EGFLAM: variants seen among roughly 807,000 people sequenced by gnomAD.
The protein encoded by EGFLAM is pikachurin.
In EGFLAM, 79 loss-of-function variants were observed where a neutral mutation model predicts 113.1. That is an observed-to-expected ratio of 0.70 (90% CI 0.58 to 0.84). The LOEUF (loss-of-function observed/expected upper bound fraction) is 0.84, where lower values mean the gene tolerates loss of function less well. Ranked by LOEUF, EGFLAM falls within the 40% of genes least tolerant of loss-of-function variation. The pLI is 0.00. For missense variants in EGFLAM, 1,265 were observed against 1,291.6 expected (o/e 0.98, Z 0.32); for synonymous variants, 504 against 487.6 (o/e 1.03, Z -0.44).
intron 1 of EGFLAM, among the ~76,000 whole-genome samples, chr5:38,297,465 C>T (rs1347073553): frequency 6.6e-6 from 1 of 152,146 alleles, no homozygotes; most frequent in Non-Finnish European, 1.5e-5. Context: ...TATCTAATCT[C>T]TTGGCAATGA....
intron 12 of EGFLAM, among the ~76,000 whole-genome samples, chr5:38,421,399 C>A (rs752159644): frequency 2.6e-5 from 4 of 152,226 alleles, no homozygotes; most frequent in Non-Finnish European, 5.9e-5. Context: ...TCTTGGATAT[C>A]CCCACTCTGC....
intron 1 of EGFLAM, among the ~76,000 whole-genome samples, chr5:38,317,325 G>A (rs934070445): frequency 6.6e-6 from 1 of 152,168 alleles, no homozygotes; most frequent in Non-Finnish European, 1.5e-5. Context: ...GCCCAGGAGG[G>A]AGTAGGGCAG....
chr5:38,268,826 T>C (rs1757693961), intron 1 of EGFLAM, among the ~76,000 whole-genome samples: 1 of 152,206 alleles, frequency 6.6e-6, no homozygotes, highest in Admixed American at 6.5e-5. Context: ...TATGGGTAAG[T>C]GCATATGTGC....
At chr5:38,341,822 G>A (rs1739345189) in intron 3 of EGFLAM, among the ~76,000 whole-genome samples, 1 of 152,150 alleles carries the variant, frequency 6.6e-6, no homozygotes, top group African/African-American at 2.4e-5. Flanking sequence ...TAAGTGGTTA[G>A]TATGATTCGT....
intron 1 of EGFLAM, among the ~76,000 whole-genome samples, chr5:38,261,746 C>T (rs961744890): frequency 1.3e-5 from 2 of 152,158 alleles, no homozygotes; most frequent in Non-Finnish European, 2.9e-5. Flanking sequence ...GCTAAGACAA[C>T]AGAGTGCATA....
intron 6 of EGFLAM, among the ~76,000 whole-genome samples, chr5:38,392,468 A>G (rs1039724191): frequency 1.1e-4 from 16 of 152,190 alleles, no homozygotes; most frequent in African/African-American, 3.6e-4. Flanking sequence ...CTCTGGGTCT[A>G]TACCCACTAA....
chr5:38,289,862 T>G (rs1758269208), intron 1 of EGFLAM, among the ~76,000 whole-genome samples: 1 of 152,188 alleles, frequency 6.6e-6, no homozygotes, highest in Admixed American at 6.5e-5. Flanking sequence ...CTCCATTACT[T>G]AAAGTCTTTT....
chr5:38,455,434 A>G (rs1194615335), intron 19 of EGFLAM, among the ~76,000 whole-genome samples: 1 of 152,184 alleles, frequency 6.6e-6, no homozygotes, highest in Non-Finnish European at 1.5e-5. Context: ...TGCCATGCAC[A>G]CCTGTTCAGT....
chr5:38,377,708 T>G (rs1381462034), intron 6 of EGFLAM, among the ~76,000 whole-genome samples: 1 of 151,994 alleles, frequency 6.6e-6, no homozygotes, highest in East Asian at 1.9e-4. Context: ...CAATGTGGTA[T>G]AAATAAGGAA....
In EGFLAM at chr5:38,463,885, G is replaced by T. The variant is rs371582383; in HGVS notation, c.2929G>T (p.Val977Leu). The change falls in exon 22 of 22, where the codon GTG becomes TTG. Residue 977 changes from valine to leucine, a missense_variant. Physicochemically the swap from Val to Leu is conservative, Grantham distance 32 (BLOSUM62 1). Coordinates refer to ENST00000322350, the MANE Select transcript of EGFLAM (RefSeq NM_152403.4). ...TAACAGGCAATATATGAGAGGGCTC[G>T]TGGGCTGTATCTCTCACTTCACCCT... ...HTNRQYMRGLVGCISHFTLST... is the reference protein window; with the variant it reads ...HTNRQYMRGLLGCISHFTLST... The T allele has an allele frequency of 6.8e-6, 11 of 1,614,082 alleles. No homozygotes were observed. The highest frequency in any genetic ancestry group is 2.2e-5 in the East Asian group (1 of 44,896).
In EGFLAM at chr5:38,417,959, T is replaced by C. The variant is rs949164379; in HGVS notation, c.1495-107T>C. On this transcript the variant is annotated intron_variant, in intron 11 of 21. Coordinates refer to ENST00000322350, the MANE Select transcript of EGFLAM (RefSeq NM_152403.4). ...GATAAATACAGATGGAAGAAAATGC[T>C]GGGGCTGTCACTGACGTCTTAACCA... is the stretch of plus-strand genomic sequence containing the variant. 6.2e-6 allele frequency: 7 copies of C among 1,132,294 alleles called. No homozygotes were observed. The African/African-American group carries it at 1.1e-4, about 18-fold the overall frequency. The allele number at this position is 1,132,294 out of a possible 1,614,324, so 70.1% of individuals were successfully genotyped here.
chr5:38,390,239 T>C (rs889516636), intron 6 of EGFLAM, among the ~76,000 whole-genome samples: 4 of 152,226 alleles, frequency 2.6e-5, no homozygotes, highest in South Asian at 2.1e-4. Context: ...CTGTTTAGAA[T>C]GTTTTAGCAT....
intron 1 of EGFLAM, among the ~76,000 whole-genome samples, chr5:38,298,122 T>C (rs941361953): frequency 6.6e-6 from 1 of 152,184 alleles, no homozygotes; most frequent in African/African-American, 2.4e-5. Context: ...GGGGATCTGT[T>C]GTCTGCTCAG....
At chr5:38,319,092 A>G (rs1738675966) in intron 1 of EGFLAM, among the ~76,000 whole-genome samples, 1 of 152,094 alleles carries the variant, frequency 6.6e-6, no homozygotes. Flanking sequence ...GCTTTTCCCC[A>G]GTTGTTCCTC....
At chr5:38,308,995 A>G (rs1758797479) in intron 1 of EGFLAM, among the ~76,000 whole-genome samples, 1 of 152,258 alleles carries the variant, frequency 6.6e-6, no homozygotes. Flanking sequence ...CAGCTCCTAC[A>G]GACTCACAAG....
intron 10 of EGFLAM, among the ~76,000 whole-genome samples, chr5:38,411,384 C>T (rs191113599): frequency 3.3e-5 from 5 of 151,888 alleles, no homozygotes; most frequent in African/African-American, 9.7e-5. Flanking sequence ...GCAGAGATCA[C>T]ACCACTGGAC....
At chr5:38,435,809 T>C (rs1164228641) in intron 16 of EGFLAM, among the ~76,000 whole-genome samples, 19 of 104,414 alleles carry the variant, frequency 1.8e-4, no homozygotes, top group Admixed American at 8.0e-4. Flanking sequence ...GCTCTCTCTT[T>C]TTTTTTTTTT....
intron 17 of EGFLAM, among the ~76,000 whole-genome samples, chr5:38,443,326 C>T (rs576438958): frequency 3.3e-5 from 5 of 152,196 alleles, no homozygotes; most frequent in East Asian, 3.9e-4. Flanking sequence ...CACTAAAATG[C>T]GAAGGATAAC....
intron 6 of EGFLAM, among the ~76,000 whole-genome samples, chr5:38,377,443 C>G (rs1740395984): frequency 6.6e-6 from 1 of 152,170 alleles, no homozygotes; most frequent in Non-Finnish European, 1.5e-5. Context: ...CACTCCCAGC[C>G]ATCAAATGTT....
Sources: allele counts gnomAD v4.1 joint callset (sites outside exome capture counted in the v4.1 genomes callset), GRCh38; gene constraint gnomAD v4.1.1; transcripts MANE v1.5; gene names NCBI Gene and HGNC (gene_info 2026-07-23, HGNC 2026-07-21).